MTA1: variants seen among roughly 807,000 people sequenced by gnomAD.
The protein encoded by MTA1 is metastasis-associated protein MTA1.
A neutral mutation model predicts 97.0 loss-of-function variants in MTA1; 15 were observed. The ratio of observed to expected loss-of-function variants is 0.15; its 90% CI spans 0.10 to 0.24. MTA1 has a LOEUF of 0.24. Among genes scored for constraint, MTA1 ranks in the 10% least tolerant of loss-of-function variants. The pLI, the probability that MTA1 is intolerant of heterozygous loss-of-function variation, is 1.00. For missense variants in MTA1, 709 were observed against 1,015.1 expected (o/e 0.70, Z 4.10); for synonymous variants, 435 against 417.5 (o/e 1.04, Z -0.51).
chr14:105,440,341 T>C (rs1372053152), intron 2 of MTA1, among the ~76,000 whole-genome samples: 3 of 152,360 alleles, frequency 2.0e-5, no homozygotes, highest in East Asian at 3.9e-4. Context: ...GGGGAGGTCC[T>C]GTGTCCCTCC....
chr14:105,449,334 C>T (rs368698996), intron 3 of MTA1, 25 bp from the exon 4 acceptor site: 54 of 1,609,308 alleles, frequency 3.4e-5, no homozygotes, highest in African/African-American at 9.3e-5. Context: ...ACCGTGCTGC[C>T]GGGTGCTGTC....
rs1340044432 is a variant in MTA1, at chr14:105,422,132, C to T, written c.28+2069C>T. Among the ~76,000 whole-genome samples, 7 of 152,178 alleles carry T rather than the reference C, an allele frequency of 4.6e-5. No individual in the cohort carries two copies. The highest frequency in any genetic ancestry group is 8.8e-5 in the Non-Finnish European group (6 of 68,026). The stretch of plus-strand genomic sequence containing the variant: ...GGAGCTGTCAGGCCCCCCACGTGCC[C>T]GCCCCGAGGACTTCCTCTCCCTGCA... On this transcript the variant is annotated intron_variant, in intron 1 of 20. Transcript: ENST00000331320. This position sits in a 1 kb window ranked among gnomAD's most constrained non-coding sequence, Gnocchi z 4.3.
At chr14:105,425,504 G>A (rs1030954425) in intron 1 of MTA1, among the ~76,000 whole-genome samples, 6 of 152,136 alleles carry the variant, frequency 3.9e-5, no homozygotes, top group Non-Finnish European at 8.8e-5. Flanking sequence ...TCGAACTCCC[G>A]TCCTCAAGCG....
At chr14:105,445,656 CCCTT>C in intron 3 of MTA1, 145 bp downstream of exon 3, 1 of 865,666 alleles carries the variant, frequency 1.2e-6, no homozygotes, top group Non-Finnish European at 1.9e-6. Flanking sequence ...CTCTTTTTCT[CCCTT>C]CCACAGTGGG....
intron 18 of MTA1, chr14:105,467,025 T>C (rs1454947802): frequency 3.1e-5 from 17 of 542,900 alleles, no homozygotes; most frequent in Admixed American, 6.9e-5. Flanking sequence ...CTGTCTGCCA[T>C]CGCGCTGTGA....
intron 18 of MTA1, chr14:105,467,361 G>A (rs1319780732): frequency 2.4e-5 from 11 of 453,248 alleles, no homozygotes; most frequent in Admixed American, 4.7e-5. Context: ...GAGCCCCTTC[G>A]CCAGGCGGCT....
At chr14:105,465,205 G>T in intron 16 of MTA1, 22 bp downstream of exon 16, 1 of 1,498,838 alleles carries the variant, frequency 6.7e-7, no homozygotes. Flanking sequence ...GGCGTGCTGG[G>T]GGGCTCCCAA....
chr14:105,449,537 G>A (rs587662550), intron 4 of MTA1, 128 bp downstream of exon 4: 13 of 1,000,662 alleles, frequency 1.3e-5, no homozygotes, highest in African/African-American at 8.2e-5. Context: ...CGGCCGGCCC[G>A]GCTGAGGAGG....
At chr14:105,440,049 C>T (rs911577595) in intron 2 of MTA1, among the ~76,000 whole-genome samples, 2 of 152,172 alleles carry the variant, frequency 1.3e-5, no homozygotes, top group Non-Finnish European at 2.9e-5. Context: ...GCATGGGGTG[C>T]GACATCTGCT....
intron 1 of MTA1, among the ~76,000 whole-genome samples, chr14:105,423,936 C>T (rs2081930737): frequency 6.6e-6 from 1 of 152,354 alleles, no homozygotes; most frequent in East Asian, 1.9e-4. Flanking sequence ...CATGGGCCGA[C>T]TTTTGGGGTC....
chr14:105,456,990 C>T (rs587645158), intron 7 of MTA1, among the ~76,000 whole-genome samples: 77 of 152,360 alleles, frequency 5.1e-4, no homozygotes, highest in African/African-American at 1.7e-3. Flanking sequence ...TGCCCCTTAG[C>T]GAGGGATAGC....
Position 105,467,652 on chromosome 14 carries a change from G to A in MTA1, c.1813+910G>A, listed in dbSNP as rs587680077. On this transcript the variant is annotated intron_variant, in intron 18 of 20. Coordinates refer to ENST00000331320, the MANE Select transcript of MTA1 (RefSeq NM_004689.4). ...CATCCCTTGGCGGTGTCTGTGTCTC[G>A]GCCCCAGCCCCAGCCCTCCTTTCCT... is the stretch of plus-strand genomic sequence containing the variant. 4.1e-4 allele frequency: 151 copies of A among 367,198 alleles called. 1 individual carries two copies. The highest frequency in any genetic ancestry group is 2.5e-3 in the African/African-American group (119 of 47,242). 22.7% of individuals were successfully genotyped at this position (367,198 alleles called of 1,614,324 possible).
At chr14:105,441,603 G>C (rs192040311) in intron 2 of MTA1, among the ~76,000 whole-genome samples, 1 of 152,310 alleles carries the variant, frequency 6.6e-6, no homozygotes, top group Non-Finnish European at 1.5e-5. Flanking sequence ...GACCATCCTG[G>C]CTAATACGGT....
At chr14:105,439,792 C>T (rs914993349) in intron 2 of MTA1, among the ~76,000 whole-genome samples, 2 of 152,126 alleles carry the variant, frequency 1.3e-5, no homozygotes, top group African/African-American at 2.4e-5. Context: ...CCTGCCCACT[C>T]GGCAGGCCTG....
chr14:105,463,026 G>T lies in MTA1; in HGVS notation c.943-158G>T, dbSNP rs990284003. On this transcript the variant is annotated intron_variant, in intron 10 of 20. Coordinates refer to ENST00000331320, the MANE Select transcript of MTA1 (RefSeq NM_004689.4). This position sits in a 1 kb window ranked among gnomAD's most constrained non-coding sequence, Gnocchi z 5.9. ...GCTTCATCAGCTGCCCTCTGCACCT[G>T]CCTGCCAGCAGGGGCCTGGCCTCCG... 6.6e-6 allele frequency among the ~76,000 whole-genome samples: 1 copy of T among 152,126 alleles called. No individual in the cohort carries two copies. The highest frequency in any genetic ancestry group is 1.5e-5 in the Non-Finnish European group (1 of 68,016).
At position 105,470,341 on chromosome 14, in the gene MTA1, C is replaced by T. The variant is rs1595440956; in HGVS notation, c.*126C>T. On this transcript the variant is annotated 3_prime_UTR_variant, in exon 21 of 21. Coordinates refer to ENST00000331320, the MANE Select transcript of MTA1 (RefSeq NM_004689.4). ...TCCCGCCCTCACCTGCAGAGAAACG[C>T]GCTCCTTGGCGGACACTGGGGGAGG... 14 of 764,100 alleles carry T rather than the reference C, an allele frequency of 1.8e-5. No homozygotes were observed. The highest frequency in any genetic ancestry group is 2.1e-5 in the Non-Finnish European group (11 of 527,136). The allele number at this position is 764,100 out of a possible 1,614,324, so 47.3% of individuals were successfully genotyped here. A position where few individuals can be genotyped will look rare whatever the true frequency, so the allele number is the denominator to read the frequency against.
intron 2 of MTA1, among the ~76,000 whole-genome samples, chr14:105,443,724 AT>A (rs1475810064): frequency 6.6e-6 from 1 of 150,796 alleles, no homozygotes; most frequent in Non-Finnish European, 1.5e-5. Flanking sequence ...AGGCGGGCAG[AT>A]TGCTGGAGTC....
Position 105,461,024 on chromosome 14 carries a change from G to C in MTA1, c.942+71G>C. On this transcript the variant is annotated intron_variant, in intron 10 of 20. Transcript: ENST00000331320. ...CTCCAGGTAGGCTGCGGGGGTGTGGGCTCCACATCCCACTCTGCCCTGAGG... is the reference window on the plus strand; with the variant it reads ...CTCCAGGTAGGCTGCGGGGGTGTGGCCTCCACATCCCACTCTGCCCTGAGG... 4 of 1,455,820 alleles carry C rather than the reference G, an allele frequency of 2.7e-6. No individual in the cohort carries two copies. The South Asian group carries it at 3.9e-5, about 14-fold the overall frequency. The allele number at this position is 1,455,820 out of a possible 1,614,324, so 90.2% of individuals were successfully genotyped here.
rs587635485 is a variant in MTA1 at position 105,419,883 on chromosome 14, TCGGCGGCGGCGGCGGCGG to T, written c.-142_-125del. On this transcript the variant is annotated 5_prime_UTR_variant, in exon 1 of 21. Coordinates refer to ENST00000331320, the MANE Select transcript of MTA1 (RefSeq NM_004689.4). ...CCGTCCCTGCGCGGCCTCGGCGGCC[TCGGCGGCGGCGGCGGCGG>T]CGGCGGCGGCAGCAGCGCGGCCCCT... 14 of 182,604 alleles carry T rather than the reference TCGGCGGCGGCGGCGGCGG, an allele frequency of 7.7e-5. 1 individual carries two copies. The highest frequency in any genetic ancestry group is 3.6e-4 in the Admixed American group (5 of 14,006). 11.3% of individuals were successfully genotyped at this position (182,604 alleles called of 1,614,324 possible).
Sources: allele counts gnomAD v4.1 joint callset (sites outside exome capture counted in the v4.1 genomes callset), GRCh38; gene constraint gnomAD v4.1.1; non-coding constraint Gnocchi (gnomAD v3.1); transcripts MANE v1.5; gene names NCBI Gene and HGNC (gene_info 2026-07-23, HGNC 2026-07-21).